Variants in ACOT12 observed in about 807,000 individuals in gnomAD.
The protein encoded by ACOT12 is acyl-CoA thioesterase 12, also known as acetyl-coenzyme A thioesterase.
In ACOT12, 51 loss-of-function variants were observed where a neutral mutation model predicts 67.7. The ratio of observed to expected loss-of-function variants is 0.75; its 90% CI spans 0.60 to 0.95. The LOEUF is 0.95. ACOT12 is among the 40% of genes least tolerant of loss of function. The pLI, the probability that ACOT12 is intolerant of heterozygous loss-of-function variation, is 0.00. For missense variants in ACOT12, 734 were observed against 708.1 expected, an observed-to-expected ratio of 1.04 and a Z score of -0.41; for synonymous variants, 251 against 244.6, an observed-to-expected ratio of 1.03 and a Z score of -0.24.
Position 81,335,762 on chromosome 5 carries a change from T to A in ACOT12, c.1262+6A>T. The A allele has an allele frequency of 1.2e-6, 2 of 1,603,808 alleles. No individual in the cohort carries two copies. Among genetic ancestry groups the A allele is most frequent in the South Asian group, 2.3e-5 (2 of 88,494 alleles). On this transcript the variant is annotated splice_donor_region_variant and intron_variant, in intron 12 of 14. Coordinates refer to ENST00000307624, the MANE Select transcript of ACOT12 (RefSeq NM_130767.3). Reference sequence around the variant, plus strand: ...GATTGAGAAAAATTTTTAAATTTGTTCTTACACAAAATGGGGGTCCCACAA... The same window carrying A: ...GATTGAGAAAAATTTTTAAATTTGTACTTACACAAAATGGGGGTCCCACAA...
chr5:81,348,717 A>G (rs148291963), intron 5 of ACOT12, among the ~76,000 whole-genome samples: 228 of 152,258 alleles, frequency 1.5e-3, no homozygotes, highest in Non-Finnish European at 2.2e-3. Flanking sequence ...GGTGCGTGCC[A>G]CCACGCCTGG....
intron 1 of ACOT12, among the ~76,000 whole-genome samples, chr5:81,392,670 T>C (rs1433735330): frequency 6.6e-6 from 1 of 152,232 alleles, no homozygotes; most frequent in African/African-American, 2.4e-5. Context: ...CAGTGGTTTA[T>C]GTATTATTCT....
intron 1 of ACOT12, among the ~76,000 whole-genome samples, chr5:81,388,222 C>A (rs901999203): frequency 6.6e-6 from 1 of 152,076 alleles, no homozygotes; most frequent in South Asian, 2.1e-4. Flanking sequence ...CAGAGAAGGA[C>A]GTGGCTAAAT....
intron 8 of ACOT12, among the ~76,000 whole-genome samples, 193 bp from the exon 9 acceptor site, chr5:81,344,408 T>TGCA (rs1759306781): frequency 6.6e-6 from 1 of 152,198 alleles, no homozygotes; most frequent in Non-Finnish European, 1.5e-5. Context: ...CTGACAAAGG[T>TGCA]GCAATCTTTG....
intron 10 of ACOT12, 55 bp from the exon 11 acceptor site, chr5:81,342,810 A>G (rs1759241365): frequency 6.4e-7 from 1 of 1,562,200 alleles, no homozygotes; most frequent in Non-Finnish European, 8.8e-7. Flanking sequence ...TGGATGTGTG[A>G]TCATATATTT....
chr5:81,342,415 A>T (rs1759225009), intron 11 of ACOT12, among the ~76,000 whole-genome samples: 1 of 152,216 alleles, frequency 6.6e-6, no homozygotes, highest in South Asian at 2.1e-4. Flanking sequence ...ATTTGGGTAG[A>T]TGGAGAAGAG....
intron 1 of ACOT12, among the ~76,000 whole-genome samples, chr5:81,389,584 G>T (rs1760811349): frequency 6.6e-6 from 1 of 152,090 alleles, no homozygotes; most frequent in African/African-American, 2.4e-5. Flanking sequence ...CTGGAGTGTG[G>T]TGGCACAATC....
At chr5:81,310,540 C>T in the ACOT12 span, among the ~76,000 whole-genome samples, 3 of 151,870 alleles carry the variant, frequency 2.0e-5, no homozygotes, top group African/African-American at 7.3e-5. Flanking sequence ...AGTCACTTAA[C>T]ATTTCGAGCA....
At chr5:81,370,096 C>CA (rs1760201364) in intron 3 of ACOT12, among the ~76,000 whole-genome samples, 1 of 152,150 alleles carries the variant, frequency 6.6e-6, no homozygotes, top group Non-Finnish European at 1.5e-5. Context: ...TCCTGGCCAA[C>CA]ATGGTGAAAC....
At chr5:81,340,640 G>A (rs948796402) in intron 11 of ACOT12, among the ~76,000 whole-genome samples, 7 of 152,142 alleles carry the variant, frequency 4.6e-5, no homozygotes, top group Non-Finnish European at 5.9e-5. Context: ...GATTACAGGC[G>A]TCAGCCACTG....
downstream of ACOT12, among the ~76,000 whole-genome samples, chr5:81,329,646 T>C (rs1050140296): frequency 2.0e-5 from 3 of 152,154 alleles, no homozygotes; most frequent in Non-Finnish European, 4.4e-5. Flanking sequence ...GTCTCATGAG[T>C]TAAGACAAAT....
At chr5:81,311,276 T>A in the ACOT12 span, 1 of 1,614,050 alleles carries the variant, frequency 6.2e-7, no homozygotes, top group Non-Finnish European at 8.5e-7. Context: ...AAGTCAGAAT[T>A]CAGGTGAGAT....
intron 2 of ACOT12, among the ~76,000 whole-genome samples, chr5:81,382,694 C>T (rs113782940): frequency 0.021 from 3,234 of 151,704 alleles, 121 homozygotes; most frequent in African/African-American, 0.074. Flanking sequence ...CCAGCTACTT[C>T]GGGAGGCTGA....
At chr5:81,385,245 G>A (rs1463640288) in intron 2 of ACOT12, among the ~76,000 whole-genome samples, 2 of 151,892 alleles carry the variant, frequency 1.3e-5, no homozygotes, top group African/African-American at 4.8e-5. Context: ...CCAGGAGTTC[G>A]AGATCAGCCT....
the ACOT12 span, among the ~76,000 whole-genome samples, chr5:81,316,548 C>T: frequency 6.6e-6 from 1 of 152,160 alleles, no homozygotes; most frequent in African/African-American, 2.4e-5. Context: ...TTATTATTAA[C>T]AAGGCTACTG....
chr5:81,340,237 A>G (rs1759150064), intron 11 of ACOT12, among the ~76,000 whole-genome samples: 1 of 152,050 alleles, frequency 6.6e-6, no homozygotes, highest in Non-Finnish European at 1.5e-5. Flanking sequence ...GGGTTTCACC[A>G]TGTTGGTCAG....
In ACOT12 at chr5:81,343,748, A is replaced by C. The variant is rs1387433233; in HGVS notation, c.1044+70T>G. 4.0e-6 allele frequency: 6 copies of C among 1,500,586 alleles called. No individual in the cohort carries two copies. The African/African-American group carries it at 5.6e-5, about 14-fold the overall frequency. 93.0% of individuals were successfully genotyped at this position (1,500,586 alleles called of 1,614,324 possible). On this transcript the variant is annotated intron_variant, in intron 10 of 14. Coordinates refer to ENST00000307624, the MANE Select transcript of ACOT12 (RefSeq NM_130767.3). Reference sequence around the variant, plus strand: ...TGCGTAGGCACAGCCTAGGCCAGTTAGGCAAGCGGATTTCCATTTTTGTAA... The same window carrying C: ...TGCGTAGGCACAGCCTAGGCCAGTTCGGCAAGCGGATTTCCATTTTTGTAA...
chr5:81,328,734 A>T (rs1253276138), downstream of ACOT12, among the ~76,000 whole-genome samples: 4 of 152,202 alleles, frequency 2.6e-5, no homozygotes, highest in Admixed American at 6.5e-5. Flanking sequence ...AAATATATTT[A>T]AAAAAGGGGT....
chr5:81,371,916 A>G (rs1258868442), intron 2 of ACOT12, 106 bp from the exon 3 acceptor site: 7 of 936,172 alleles, frequency 7.5e-6, no homozygotes, highest in Non-Finnish European at 1.2e-5. Flanking sequence ...CCACCTTATC[A>G]TGCTGATAAT....
Sources: gnomAD v4.1 joint callset for allele counts (sites outside exome capture counted in the v4.1 genomes callset) on GRCh38, gnomAD v4.1.1 for gene constraint, MANE v1.5 for transcripts, NCBI Gene and HGNC (gene_info 2026-07-23, HGNC 2026-07-21) for gene names.